HSPA12A: variants seen among roughly 807,000 people sequenced by gnomAD.
The protein encoded by HSPA12A is heat shock protein family A (Hsp70) member 12A, also known as heat shock 70 kDa protein 12A.
In HSPA12A, 28 loss-of-function variants were observed where a neutral mutation model predicts 69.2. That is an observed-to-expected ratio of 0.40 (90% confidence interval 0.30 to 0.55). The LOEUF is 0.55. Among genes scored for constraint, HSPA12A ranks in the 20% least tolerant of loss-of-function variants. The pLI, the probability that HSPA12A is intolerant of heterozygous loss-of-function variation, is 0.38. For missense variants in HSPA12A, 686 were observed against 900.7 expected, an observed-to-expected ratio of 0.76 and a Z score of 3.05; for synonymous variants, 345 against 370.5, an observed-to-expected ratio of 0.93 and a Z score of 0.79.
chr10:116,802,670 A>AC (rs1168723212), intron 2 of HSPA12A, among the ~76,000 whole-genome samples: 1 of 152,258 alleles, frequency 6.6e-6, no homozygotes, highest in African/African-American at 2.4e-5. Flanking sequence ...CAGGAAAGTC[A>AC]CCGGGGCCAC....
intron 2 of HSPA12A, among the ~76,000 whole-genome samples, chr10:116,812,488 A>C (rs1027975116): frequency 1.3e-5 from 2 of 152,024 alleles, no homozygotes; most frequent in Non-Finnish European, 2.9e-5. Context: ...AAAATAAAAT[A>C]AAATCAGGGA....
intron 2 of HSPA12A, among the ~76,000 whole-genome samples, chr10:116,805,635 A>G (rs930605467): frequency 6.6e-6 from 1 of 152,184 alleles, no homozygotes; most frequent in Non-Finnish European, 1.5e-5. Flanking sequence ...TTCACCTGTC[A>G]CTGATCAACG....
Position 116,675,722 on chromosome 10 carries a change from C to A in HSPA12A, c.1391-304G>T, listed in dbSNP as rs1554877620. ...ATAAATGAATACTCCTAAAGCTCTCCAAACCTGTGGTTCTGTTGGGTAAGT... is the reference window on the plus strand; with the variant it reads ...ATAAATGAATACTCCTAAAGCTCTCAAAACCTGTGGTTCTGTTGGGTAAGT... On this transcript the variant is annotated intron_variant, in intron 11 of 11. Coordinates refer to ENST00000369209, the MANE Select transcript of HSPA12A (RefSeq NM_025015.3). The surrounding 1 kb of genome is among the most constrained non-coding windows in gnomAD (Gnocchi z 5.2). 6.6e-6 allele frequency among the ~76,000 whole-genome samples: 1 copy of A among 152,212 alleles called. No homozygotes were observed. The highest frequency in any genetic ancestry group is 1.5e-5 in the Non-Finnish European group (1 of 68,044).
intron 2 of HSPA12A, chr10:116,751,370 C>T (rs1179861165): frequency 6.5e-6 from 1 of 154,724 alleles, no homozygotes; most frequent in African/African-American, 2.4e-5. Flanking sequence ...GTTGCATGTA[C>T]ATTTTGCATG....
At position 116,817,190 on chromosome 10, in the gene HSPA12A, G is replaced by A. The variant is rs555879087; in HGVS notation, c.91+17745C>T. Reference sequence around the variant, plus strand: ...AAACCCATTTGCTGTTTTTTTTCCCGGGGATTTAGAACAGAAACTTCTACC... The same window carrying A: ...AAACCCATTTGCTGTTTTTTTTCCCAGGGATTTAGAACAGAAACTTCTACC... On this transcript the variant is annotated intron_variant, in intron 2 of 12. Coordinates refer to the HSPA12A transcript ENST00000635765. Among the ~76,000 whole-genome samples, 224 of 151,784 alleles carry A rather than the reference G, an allele frequency of 1.5e-3. 1 individual carries two copies. Among genetic ancestry groups the A allele is most frequent in the African/African-American group, 4.9e-3 (202 of 41,384 alleles).
At chr10:116,834,913 C>T (rs558075542) in intron 2 of HSPA12A, 6 of 1,201,836 alleles carry the variant, frequency 5.0e-6, no homozygotes, top group Middle Eastern at 3.2e-4. Context: ...TTGATACTTA[C>T]ACACATTAGT....
At chr10:116,718,211 G>A (rs1266144312) in intron 1 of HSPA12A, among the ~76,000 whole-genome samples, 1 of 152,222 alleles carries the variant, frequency 6.6e-6, no homozygotes, top group African/African-American at 2.4e-5. Flanking sequence ...AGCTAGTGCT[G>A]CCTGGACTGA....
intron 2 of HSPA12A, chr10:116,834,810 T>G (rs1009532356): frequency 2.4e-6 from 1 of 420,544 alleles, no homozygotes; most frequent in Non-Finnish European, 3.8e-6. Context: ...GCAAACATCT[T>G]ACACGTGCAG....
At chr10:116,739,019 G>A (rs1259095707) in intron 1 of HSPA12A, among the ~76,000 whole-genome samples, 1 of 152,176 alleles carries the variant, frequency 6.6e-6, no homozygotes, top group African/African-American at 2.4e-5. Flanking sequence ...CTTCCTTTGG[G>A]GGCTATAACC....
chr10:116,700,008 A>G (rs1474943514), intron 4 of HSPA12A, among the ~76,000 whole-genome samples: 3 of 152,240 alleles, frequency 2.0e-5, no homozygotes, highest in Non-Finnish European at 2.9e-5. Context: ...CTAGAACTTA[A>G]TCTGCACCAG....
At chr10:116,680,461 C>T (rs1849370056) in intron 9 of HSPA12A, among the ~76,000 whole-genome samples, 1 of 152,166 alleles carries the variant, frequency 6.6e-6, no homozygotes, top group Admixed American at 6.5e-5. Context: ...CCCCTCCAAC[C>T]TCCCAAAAGG....
chr10:116,676,847 C>T (rs571107086), intron 10 of HSPA12A, among the ~76,000 whole-genome samples: 17 of 152,308 alleles, frequency 1.1e-4, no homozygotes, highest in East Asian at 3.9e-4. Context: ...GATTCAAGCA[C>T]GTTAAAAGCT....
chr10:116,711,361 G>C (rs1439784520), intron 1 of HSPA12A, among the ~76,000 whole-genome samples: 3 of 152,198 alleles, frequency 2.0e-5, no homozygotes, highest in African/African-American at 4.8e-5. Flanking sequence ...CTATAGTCGA[G>C]GCTTGAGAGA....
chr10:116,839,617 A>G (rs1039744324), intron 1 of HSPA12A, among the ~76,000 whole-genome samples: 1 of 151,690 alleles, frequency 6.6e-6, no homozygotes, highest in Admixed American at 6.6e-5. Flanking sequence ...AAAAAAAAAA[A>G]AAAAAAAAAA....
chr10:116,812,011 G>T (rs1845198836), intron 2 of HSPA12A, among the ~76,000 whole-genome samples: 1 of 152,268 alleles, frequency 6.6e-6, no homozygotes, highest in East Asian at 1.9e-4. Flanking sequence ...CTCCCAGTCT[G>T]GCCACTCGTC....
intron 2 of HSPA12A, among the ~76,000 whole-genome samples, chr10:116,762,115 T>C (rs1843985984): frequency 6.6e-6 from 1 of 152,224 alleles, no homozygotes; most frequent in Admixed American, 6.5e-5. Flanking sequence ...AGCGTGGCCC[T>C]TGTCCTCACG....
At chr10:116,749,309 A>G (rs1241303947) in intron 2 of HSPA12A, among the ~76,000 whole-genome samples, 1 of 152,210 alleles carries the variant, frequency 6.6e-6, no homozygotes, top group Non-Finnish European at 1.5e-5. Flanking sequence ...ACATTTATCA[A>G]GCACCTGCTA....
chr10:116,745,010 C>T (rs1851617072), upstream of HSPA12A, among the ~76,000 whole-genome samples: 3 of 152,278 alleles, frequency 2.0e-5, no homozygotes, highest in South Asian at 6.2e-4. Flanking sequence ...TCTCCCATTC[C>T]CCCCAAAGCC....
chr10:116,756,441 T>C (rs1843852595), intron 2 of HSPA12A, among the ~76,000 whole-genome samples: 1 of 152,250 alleles, frequency 6.6e-6, no homozygotes, highest in African/African-American at 2.4e-5. Context: ...ATTTCACATT[T>C]GGACAGGAAA....
Sources: gnomAD v4.1 joint callset for allele counts (sites outside exome capture counted in the v4.1 genomes callset) on GRCh38, gnomAD v4.1.1 for gene constraint, Gnocchi (gnomAD v3.1) non-coding constraint, MANE v1.5 for transcripts, NCBI Gene and HGNC (gene_info 2026-07-23, HGNC 2026-07-21) for gene names.